Variants in SAMD3 observed in about 807,000 individuals in gnomAD.
SAMD3 encodes sterile alpha motif domain-containing protein 3.
SAMD3 carries 63 observed loss-of-function variants against 58.5 expected under a neutral mutation model. That is an observed-to-expected ratio of 1.08 (90% CI 0.88 to 1.33). The LOEUF (loss-of-function observed/expected upper bound fraction) is 1.33, where lower values mean the gene tolerates loss of function less well. Ranked by LOEUF, SAMD3 falls within the 40% of genes most tolerant of loss-of-function variation. The pLI is 0.00. For missense variants in SAMD3, 604 were observed against 608.4 expected, an observed-to-expected ratio of 0.99 and a Z score of 0.08; for synonymous variants, 220 against 210.3, an observed-to-expected ratio of 1.05 and a Z score of -0.40.
chr6:130,301,908 A>T (rs1583071523), intron 2 of SAMD3, among the ~76,000 whole-genome samples: 1 of 152,182 alleles, frequency 6.6e-6, no homozygotes, highest in East Asian at 1.9e-4. Flanking sequence ...CAGAAGAATG[A>T]AACTGGACCC....
chr6:130,333,043 G>C (rs1776985416), intron 1 of SAMD3, among the ~76,000 whole-genome samples: 1 of 110,788 alleles, frequency 9.0e-6, no homozygotes, highest in Non-Finnish European at 1.7e-5. Context: ...AGTTGAGTAT[G>C]CGTGTGTGTG....
upstream of SAMD3, chr6:130,365,451 C>G (rs1295780738): frequency 5.1e-6 from 5 of 985,446 alleles, no homozygotes; most frequent in Non-Finnish European, 6.0e-6. Context: ...TTAGCTCGCG[C>G]AGCGCCCGCG....
intron 2 of SAMD3, among the ~76,000 whole-genome samples, chr6:130,281,253 T>C (rs1774971461): frequency 6.6e-6 from 1 of 152,198 alleles, no homozygotes; most frequent in Admixed American, 6.5e-5. Context: ...GTTAGTGTGA[T>C]TGAGCATAGT....
intron 1 of SAMD3, among the ~76,000 whole-genome samples, chr6:130,351,317 A>C (rs1051574467): frequency 7.2e-5 from 11 of 152,208 alleles, no homozygotes; most frequent in Admixed American, 6.5e-4. Context: ...AAATTTTTGC[A>C]ATCTACTCGT....
At chr6:130,173,579 T>C (rs1197119169) in intron 8 of SAMD3, among the ~76,000 whole-genome samples, 1 of 152,214 alleles carries the variant, frequency 6.6e-6, no homozygotes, top group African/African-American at 2.4e-5. Context: ...ACTGGCCAGA[T>C]GCCAGCCAGA....
chr6:130,288,137 G>A (rs1775228000), intron 2 of SAMD3, among the ~76,000 whole-genome samples: 1 of 152,168 alleles, frequency 6.6e-6, no homozygotes, highest in South Asian at 2.1e-4. Context: ...ATGAGTCAGA[G>A]TACTCTAGAT....
chr6:130,179,918 G>A (rs918105516), intron 7 of SAMD3, among the ~76,000 whole-genome samples: 9 of 149,162 alleles, frequency 6.0e-5, no homozygotes, highest in Non-Finnish European at 1.3e-4. Flanking sequence ...GGGTTCAAGC[G>A]ATTCTCCTGC....
chr6:130,317,339 C>A (rs1318050846), intron 1 of SAMD3, among the ~76,000 whole-genome samples: 3 of 152,130 alleles, frequency 2.0e-5, no homozygotes, highest in Non-Finnish European at 4.4e-5. Flanking sequence ...CACAGAACAT[C>A]CATAAAATAT....
intron 2 of SAMD3, among the ~76,000 whole-genome samples, chr6:130,234,336 A>T (rs1038721164): frequency 6.6e-6 from 1 of 152,114 alleles, no homozygotes; most frequent in Admixed American, 6.5e-5. Context: ...TATAAAGTAC[A>T]TATTTCTCTA....
chr6:130,337,972 C>T (rs957625535), intron 1 of SAMD3, among the ~76,000 whole-genome samples: 2 of 152,214 alleles, frequency 1.3e-5, no homozygotes, highest in Non-Finnish European at 1.5e-5. Context: ...GTATCAAATG[C>T]TAATCACCAA....
At chr6:130,353,983 AC>A (rs1256365010) in intron 1 of SAMD3, among the ~76,000 whole-genome samples, 22 of 152,170 alleles carry the variant, frequency 1.4e-4, no homozygotes, top group African/African-American at 5.3e-4. Flanking sequence ...CAAGAAAAAA[AC>A]AAACAACCCC....
chr6:130,175,533 G>A (rs547577204), intron 8 of SAMD3, among the ~76,000 whole-genome samples: 6 of 151,976 alleles, frequency 3.9e-5, no homozygotes, highest in Non-Finnish European at 5.9e-5. Context: ...AACATAAGAC[G>A]CATTGTAGGA....
At chr6:130,364,607 G>A (rs1252633041) in intron 1 of SAMD3, among the ~76,000 whole-genome samples, 1 of 151,950 alleles carries the variant, frequency 6.6e-6, no homozygotes, top group Non-Finnish European at 1.5e-5. Flanking sequence ...CTGTGGGCTA[G>A]AATACTAGAT....
At chr6:130,287,124 T>C (rs1775185312) in intron 2 of SAMD3, among the ~76,000 whole-genome samples, 1 of 152,172 alleles carries the variant, frequency 6.6e-6, no homozygotes, top group Non-Finnish European at 1.5e-5. Flanking sequence ...TTTTCTTCTG[T>C]CTTCTAAATG....
At chr6:130,259,087 T>C (rs1006911629) in intron 2 of SAMD3, among the ~76,000 whole-genome samples, 3 of 152,082 alleles carry the variant, frequency 2.0e-5, no homozygotes, top group East Asian at 3.8e-4. Context: ...TGAGAGAGGA[T>C]TAAGGAGAAA....
Position 130,318,473 on chromosome 6 carries a change from G to T in SAMD3, c.-303-5380C>A, listed in dbSNP as rs139221943. Among the ~76,000 whole-genome samples the T allele has an allele frequency of 4.3e-4, 66 of 152,198 alleles. 1 individual carries two copies. In the East Asian group the frequency reaches 6.6e-3, roughly 15 times the overall value. On this transcript the variant is annotated intron_variant, in intron 1 of 13. Transcript: ENST00000368134. ...AGACAAAGTCTCACTCTGTCGCCCA[G>T]GCTGGTGTGCAGTGGTGAGATCTCG...
intron 2 of SAMD3, among the ~76,000 whole-genome samples, chr6:130,256,918 A>C (rs1006924996): frequency 6.6e-6 from 1 of 152,196 alleles, no homozygotes; most frequent in African/African-American, 2.4e-5. Context: ...CTATTTAGCT[A>C]TCTCAGATTC....
At chr6:130,297,987 T>C (rs1369770935) in intron 2 of SAMD3, among the ~76,000 whole-genome samples, 1 of 152,174 alleles carries the variant, frequency 6.6e-6, no homozygotes. Flanking sequence ...AAAATTTCCC[T>C]AATCTTGCTA....
intron 2 of SAMD3, among the ~76,000 whole-genome samples, chr6:130,292,002 C>T (rs911733029): frequency 1.3e-5 from 2 of 151,894 alleles, no homozygotes; most frequent in Non-Finnish European, 2.9e-5. Context: ...AGTTATGTGA[C>T]CTTTATTATT....
Sources: gnomAD v4.1 joint callset for allele counts (sites outside exome capture counted in the v4.1 genomes callset) on GRCh38, gnomAD v4.1.1 for gene constraint, MANE v1.5 for transcripts, NCBI Gene and HGNC (gene_info 2026-07-23, HGNC 2026-07-21) for gene names.